TBC1D2B: variants seen among roughly 807,000 people sequenced by gnomAD.
The protein encoded by TBC1D2B is TBC1 domain family, member 2B.
A neutral mutation model predicts 100.8 loss-of-function variants in TBC1D2B; 64 were observed. The observed-to-expected ratio is 0.64, with a 90% CI of 0.52 to 0.78. The LOEUF (loss-of-function observed/expected upper bound fraction) is 0.78, where lower values mean the gene tolerates loss of function less well. TBC1D2B is among the 30% of genes least tolerant of loss of function. The pLI is 0.00. For missense variants in TBC1D2B, 1,052 were observed against 1,218.4 expected, an observed-to-expected ratio of 0.86 and a Z score of 2.03; for synonymous variants, 480 against 479.7, an observed-to-expected ratio of 1.00 and a Z score of -0.01.
intron 1 of TBC1D2B, among the ~76,000 whole-genome samples, chr15:78,069,728 T>TTAGA (rs1349881342): frequency 1.3e-5 from 2 of 152,254 alleles, no homozygotes; most frequent in Non-Finnish European, 2.9e-5. Context: ...AAAAATACAT[T>TTAGA]TAGATAGATA....
At chr15:78,017,485 ACTTT>A (rs963501478) in intron 7 of TBC1D2B, among the ~76,000 whole-genome samples, 1 of 152,360 alleles carries the variant, frequency 6.6e-6, no homozygotes, top group Admixed American at 6.5e-5. Context: ...TTATGTACTT[ACTTT>A]GTTTTCTTCA....
intron 1 of TBC1D2B, among the ~76,000 whole-genome samples, chr15:78,071,593 T>TTTGGATTCC (rs1231988455): frequency 1.3e-5 from 2 of 152,114 alleles, no homozygotes; most frequent in Non-Finnish European, 2.9e-5. Flanking sequence ...ATAACCCCCT[T>TTTGGATTCC]TTGGATTCCT....
At chr15:78,046,595 T>C (rs780108406) in intron 2 of TBC1D2B, among the ~76,000 whole-genome samples, 6 of 152,034 alleles carry the variant, frequency 3.9e-5, no homozygotes, top group Non-Finnish European at 5.9e-5. Flanking sequence ...GCCTACCAAG[T>C]AGCTGGGACT....
intron 10 of TBC1D2B, among the ~76,000 whole-genome samples, chr15:78,008,424 A>C (rs1281553406): frequency 6.6e-6 from 1 of 152,176 alleles, no homozygotes; most frequent in Non-Finnish European, 1.5e-5. Context: ...CCATCTGTGG[A>C]GGCAGGTGCC....
intron 2 of TBC1D2B, among the ~76,000 whole-genome samples, chr15:78,047,919 A>G (rs574727889): frequency 2.0e-5 from 3 of 152,358 alleles, no homozygotes; most frequent in African/African-American, 4.8e-5. Context: ...TACAATCATC[A>G]TCACAATTCT....
In TBC1D2B at chr15:77,997,329, AATCCCATC is replaced by A. The variant is rs2141602748; in HGVS notation, c.*823_*830del. 6.6e-6 allele frequency: 1 copy of A among 152,400 alleles called. No homozygotes were observed. Among genetic ancestry groups the A allele is most frequent in the Non-Finnish European group, 1.5e-5 (1 of 68,046 alleles). 9.4% of individuals were successfully genotyped at this position (152,400 alleles called of 1,614,324 possible). A position where few individuals can be genotyped will look rare whatever the true frequency, so the allele number is the denominator to read the frequency against. Reference sequence around the variant, plus strand: ...ATATGACGGTCCACTGTTTACTTGGAATCCCATCCCATCGTACTTGGTGAATGATTTCC... The same window carrying A: ...ATATGACGGTCCACTGTTTACTTGGACCATCGTACTTGGTGAATGATTTCC... On this transcript the variant is annotated 3_prime_UTR_variant, in exon 13 of 13. Transcript: ENST00000300584.
chr15:78,071,820 C>T (rs1032424183), intron 1 of TBC1D2B, among the ~76,000 whole-genome samples: 1 of 152,196 alleles, frequency 6.6e-6, no homozygotes, highest in African/African-American at 2.4e-5. Flanking sequence ...TCGGTTCAGG[C>T]TGTTATAACA....
intron 3 of TBC1D2B, among the ~76,000 whole-genome samples, chr15:78,033,380 C>T (rs888588268): frequency 2.0e-5 from 3 of 152,084 alleles, no homozygotes; most frequent in South Asian, 4.1e-4. Context: ...TCTCCAAAAA[C>T]GTTAAGTGAA....
At chr15:78,045,111 A>G in intron 2 of TBC1D2B, 43 bp from the exon 3 acceptor site, 1 of 1,560,132 alleles carries the variant, frequency 6.4e-7, no homozygotes, top group Non-Finnish European at 8.7e-7. Flanking sequence ...CAAAGCTTCC[A>G]CACGAAACTT....
At chr15:78,008,504 T>C (rs1196226195) in intron 10 of TBC1D2B, among the ~76,000 whole-genome samples, 1 of 152,192 alleles carries the variant, frequency 6.6e-6, no homozygotes, top group Non-Finnish European at 1.5e-5. Flanking sequence ...TGCATGGTGG[T>C]CACTGCACAG....
chr15:78,016,141 C>T (rs1177587591), intron 8 of TBC1D2B, among the ~76,000 whole-genome samples: 1 of 152,082 alleles, frequency 6.6e-6, no homozygotes, highest in Admixed American at 6.5e-5. Flanking sequence ...AGATTTAGTG[C>T]TTTCCCCAAA....
intron 4 of TBC1D2B, 134 bp downstream of exon 4, chr15:78,029,873 T>A: frequency 1.7e-6 from 1 of 579,542 alleles, no homozygotes; most frequent in Non-Finnish European, 2.8e-6. Flanking sequence ...ATGTTTTAAG[T>A]CCGACAAAGA....
rs1208424963 is a variant in TBC1D2B at position 77,998,226 on chromosome 15, G to A, written c.2826C>T (p.Phe942=). ...CAGGGCTGGTGTCCCGCTCACGCAG[G>A]AAGTCCTCACGGATGGCCTCCAGCT... is the stretch of plus-strand genomic sequence containing the variant. ...LTELEAIRED[F]LRERDTSPDK... Residue 942 remains phenylalanine (F), a synonymous_variant, in exon 13 of 13, where the codon TTC becomes TTT. Transcript: ENST00000300584. 8 of 1,580,358 alleles carry A rather than the reference G, an allele frequency of 5.1e-6. No individual in the cohort carries two copies. Among genetic ancestry groups the A allele is most frequent in the Middle Eastern group, 1.7e-4 (1 of 6,056 alleles).
At chr15:78,026,151 G>GC (rs796218058) in intron 4 of TBC1D2B, among the ~76,000 whole-genome samples, 6 of 145,528 alleles carry the variant, frequency 4.1e-5, no homozygotes, top group African/African-American at 1.5e-4. Flanking sequence ...GGTTTTTGTT[G>GC]TTTTTTTTTT....
intron 6 of TBC1D2B, among the ~76,000 whole-genome samples, chr15:78,022,582 T>A (rs557175776): frequency 6.6e-6 from 1 of 152,166 alleles, no homozygotes; most frequent in African/African-American, 2.4e-5. Context: ...TCTCACTTTG[T>A]CATCCAGGCT....
At chr15:78,001,821 C>T (rs62011475) in intron 11 of TBC1D2B, 81 bp from the exon 12 acceptor site, 92,028 of 1,482,616 alleles carry the variant, frequency 0.062, 3,163 homozygotes, top group Middle Eastern at 0.11. Context: ...GGGGTGCTGG[C>T]CCTACTGGGG....
chr15:78,041,776 T>C (rs568503226), intron 3 of TBC1D2B, among the ~76,000 whole-genome samples: 2 of 152,310 alleles, frequency 1.3e-5, no homozygotes, highest in African/African-American at 4.8e-5. Flanking sequence ...CAGAAAGTGG[T>C]CCCAAAAACC....
chr15:78,032,524 G>T, intron 3 of TBC1D2B, among the ~76,000 whole-genome samples: 1 of 151,298 alleles, frequency 6.6e-6, no homozygotes, highest in East Asian at 1.9e-4. Flanking sequence ...AAGTCACAAT[G>T]AGGAAAAAAA....
intron 4 of TBC1D2B, among the ~76,000 whole-genome samples, chr15:78,029,412 T>A (rs1487896272): frequency 6.6e-6 from 1 of 152,236 alleles, no homozygotes; most frequent in Non-Finnish European, 1.5e-5. Flanking sequence ...ACTATAGCAT[T>A]TGCAGATGCA....
Sources: allele counts gnomAD v4.1 joint callset (sites outside exome capture counted in the v4.1 genomes callset), GRCh38; gene constraint gnomAD v4.1.1; transcripts MANE v1.5; gene names NCBI Gene and HGNC (gene_info 2026-07-23, HGNC 2026-07-21).